Variants in C8orf89 observed in about 807,000 individuals in gnomAD.
C8orf89 encodes the protein chromosome 8 open reading frame 89, also known as putative uncharacterized protein C8orf89.
Under a neutral mutation model 15.8 loss-of-function variants are expected in C8orf89, and 14 were observed. The observed-to-expected ratio is 0.89, with a 90% CI of 0.59 to 1.39. The LOEUF (loss-of-function observed/expected upper bound fraction) is 1.39, where lower values mean the gene tolerates loss of function less well. Ranked by LOEUF, C8orf89 falls within the 40% of genes most tolerant of loss-of-function variation. The pLI is 0.00. For missense variants in C8orf89, 181 were observed against 184.5 expected, an observed-to-expected ratio of 0.98 and a Z score of 0.11; for synonymous variants, 55 against 62.2, an observed-to-expected ratio of 0.88 and a Z score of 0.54.
At chr8:73,265,746 T>A in the C8orf89 span, among the ~76,000 whole-genome samples, 1 of 152,238 alleles carries the variant, frequency 6.6e-6, no homozygotes. Flanking sequence ...GAGCTTTACC[T>A]GGATGTCTCA....
At chr8:73,284,033 ACT>A in the C8orf89 span, among the ~76,000 whole-genome samples, 2 of 150,258 alleles carry the variant, frequency 1.3e-5, no homozygotes, top group Non-Finnish European at 3.0e-5. Flanking sequence ...CAAGAACGAA[ACT>A]CTGTCTTAAA....
chr8:73,267,283 A>C, the C8orf89 span, among the ~76,000 whole-genome samples: 1 of 152,222 alleles, frequency 6.6e-6, no homozygotes, highest in African/African-American at 2.4e-5. Flanking sequence ...CAATTATAAC[A>C]ATGTACTATA....
At chr8:73,268,047 G>A in the C8orf89 span, among the ~76,000 whole-genome samples, 2 of 152,176 alleles carry the variant, frequency 1.3e-5, no homozygotes, top group African/African-American at 2.4e-5. Context: ...AAATGGCATC[G>A]CGGGGATACA....
the C8orf89 span, among the ~76,000 whole-genome samples, chr8:73,274,867 G>T: frequency 6.6e-6 from 1 of 152,142 alleles, no homozygotes; most frequent in Non-Finnish European, 1.5e-5. Flanking sequence ...CTGAGATTGA[G>T]TGTACATATA....
At chr8:73,265,556 A>C in the C8orf89 span, among the ~76,000 whole-genome samples, 2 of 152,356 alleles carry the variant, frequency 1.3e-5, no homozygotes, top group East Asian at 3.9e-4. Context: ...ACCTCTTTAT[A>C]GAGTCGTTGC....
At chr8:73,275,278 C>T in the C8orf89 span, among the ~76,000 whole-genome samples, 103 of 137,476 alleles carry the variant, frequency 7.5e-4, 3 homozygotes, top group East Asian at 0.017. Context: ...TTGCTGTCAC[C>T]CAGGCTGGAA....
chr8:73,247,900 C>G (rs960402972), intron 3 of C8orf89, among the ~76,000 whole-genome samples: 1 of 152,104 alleles, frequency 6.6e-6, no homozygotes, highest in African/African-American at 2.4e-5. Context: ...TGTCTGTTTA[C>G]TCTGTTGATA....
upstream of C8orf89, among the ~76,000 whole-genome samples, chr8:73,263,244 G>A (rs191088450): frequency 3.3e-5 from 5 of 152,304 alleles, no homozygotes; most frequent in Admixed American, 3.3e-4. Flanking sequence ...TGGGCATGGT[G>A]GCTCACACCT....
intron 2 of C8orf89, among the ~76,000 whole-genome samples, chr8:73,253,547 A>G (rs1025813833): frequency 6.6e-6 from 1 of 151,372 alleles, no homozygotes; most frequent in African/African-American, 2.4e-5. Context: ...TTTTCACGAT[A>G]TTGATTCTTC....
intron 3 of C8orf89, among the ~76,000 whole-genome samples, chr8:73,242,688 C>A (rs999810593): frequency 6.6e-6 from 1 of 152,082 alleles, no homozygotes; most frequent in African/African-American, 2.4e-5. Flanking sequence ...AAAAGGGAAC[C>A]CTCATTCACT....
At chr8:73,273,565 T>C in the C8orf89 span, among the ~76,000 whole-genome samples, 1 of 152,100 alleles carries the variant, frequency 6.6e-6, no homozygotes, top group Non-Finnish European at 1.5e-5. Flanking sequence ...GGAACCCCTC[T>C]GCATGAATAG....
At chr8:73,270,483 T>C in the C8orf89 span, among the ~76,000 whole-genome samples, 2 of 152,220 alleles carry the variant, frequency 1.3e-5, no homozygotes, top group African/African-American at 2.4e-5. Context: ...GCATCAAATG[T>C]TATGCAACAG....
chr8:73,254,526 A>G (rs143948454), intron 2 of C8orf89, among the ~76,000 whole-genome samples: 6,392 of 152,234 alleles, frequency 0.042, 150 homozygotes, highest in African/African-American at 0.067. Context: ...AGGTCACAGG[A>G]ACTGGGAGTG....
the C8orf89 span, among the ~76,000 whole-genome samples, chr8:73,284,234 G>A: frequency 1.3e-5 from 1 of 74,844 alleles, no homozygotes; most frequent in Non-Finnish European, 2.4e-5. Flanking sequence ...TTTTTTTGGT[G>A]ATGGAGTCTC....
the C8orf89 span, among the ~76,000 whole-genome samples, chr8:73,268,048 C>T: frequency 6.6e-6 from 1 of 152,104 alleles, no homozygotes; most frequent in African/African-American, 2.4e-5. Context: ...AATGGCATCG[C>T]GGGGATACAA....
the C8orf89 span, among the ~76,000 whole-genome samples, chr8:73,268,766 G>A: frequency 3.9e-5 from 6 of 152,166 alleles, no homozygotes; most frequent in African/African-American, 1.4e-4. Context: ...AGAGGGTAGT[G>A]GTGACAGTAT....
chr8:73,250,197 A>T (rs1046262134), intron 3 of C8orf89, 71 bp downstream of exon 3: 38 of 935,120 alleles, frequency 4.1e-5, no homozygotes, highest in African/African-American at 2.7e-4. Flanking sequence ...AAAGAAAGGA[A>T]TTTTTTTTAA....
chr8:73,268,284 C>T, the C8orf89 span, among the ~76,000 whole-genome samples: 1 of 152,016 alleles, frequency 6.6e-6, no homozygotes, highest in African/African-American at 2.4e-5. Flanking sequence ...TCGAGACCAG[C>T]CTGGCCAACA....
the C8orf89 span, among the ~76,000 whole-genome samples, chr8:73,271,939 T>G: frequency 2.0e-5 from 3 of 152,326 alleles, no homozygotes; most frequent in Admixed American, 2.0e-4. Context: ...CCTAGTACAC[T>G]GCTTTAATTC....
Sources: gnomAD v4.1 joint callset for allele counts (sites outside exome capture counted in the v4.1 genomes callset) on GRCh38, gnomAD v4.1.1 for gene constraint, MANE v1.5 for transcripts, NCBI Gene and HGNC (gene_info 2026-07-23, HGNC 2026-07-21) for gene names.